The following SND1 variants were observed in gnomAD, a reference collection of about 807,000 sequenced individuals.
The protein encoded by SND1 is staphylococcal nuclease and tudor domain containing 1, also known as staphylococcal nuclease domain-containing protein 1.
A neutral mutation model predicts 121.7 loss-of-function variants in SND1; 38 were observed. The observed-to-expected ratio is 0.31, with a 90% CI of 0.24 to 0.41. The LOEUF (loss-of-function observed/expected upper bound fraction) is 0.41, where lower values mean the gene tolerates loss of function less well. Ranked by LOEUF, SND1 falls within the 10% of genes least tolerant of loss-of-function variation. The pLI is 1.00. For missense variants in SND1, 868 were observed against 1,184.6 expected, an observed-to-expected ratio of 0.73 and a Z score of 3.92; for synonymous variants, 401 against 447.4, an observed-to-expected ratio of 0.90 and a Z score of 1.31.
chr7:128,019,328 TC>T (rs1333675037), intron 16 of SND1, among the ~76,000 whole-genome samples: 1 of 152,216 alleles, frequency 6.6e-6, no homozygotes, highest in Non-Finnish European at 1.5e-5. Context: ...TAGCACATCC[TC>T]CTGGCTAACT....
intron 11 of SND1, among the ~76,000 whole-genome samples, chr7:127,810,673 C>T (rs1798321484): frequency 6.6e-6 from 1 of 152,186 alleles, no homozygotes; most frequent in Non-Finnish European, 1.5e-5. Flanking sequence ...TCCCTTAACG[C>T]TTAGAGATCA....
At chr7:127,789,176 C>T (rs554766025) in intron 10 of SND1, among the ~76,000 whole-genome samples, 2 of 152,346 alleles carry the variant, frequency 1.3e-5, no homozygotes, top group African/African-American at 4.8e-5. Flanking sequence ...CTCTGTCTGC[C>T]TCCCCAACTC....
At chr7:127,738,814 AG>A in intron 10 of SND1, among the ~76,000 whole-genome samples, 1 of 152,168 alleles carries the variant, frequency 6.6e-6, no homozygotes, top group Middle Eastern at 3.4e-3. Context: ...GGCTTGCTTT[AG>A]GGGGTCACCC....
chr7:127,850,636 T>C (rs766028661), intron 12 of SND1, among the ~76,000 whole-genome samples: 5 of 152,218 alleles, frequency 3.3e-5, no homozygotes, highest in Non-Finnish European at 5.9e-5. Context: ...GTTGTTTTTT[T>C]CCACTTAAAT....
chr7:127,960,143 G>A (rs1801696781), intron 15 of SND1, among the ~76,000 whole-genome samples: 1 of 152,188 alleles, frequency 6.6e-6, no homozygotes, highest in Non-Finnish European at 1.5e-5. Flanking sequence ...TGCTTTCCCA[G>A]GCTCACATTA....
chr7:127,656,450 G>A (rs1795211618), intron 1 of SND1, among the ~76,000 whole-genome samples: 2 of 151,668 alleles, frequency 1.3e-5, no homozygotes, highest in South Asian at 4.2e-4. Flanking sequence ...AGCCTCCCGA[G>A]TAGCTGGGAT....
chr7:127,761,558 G>A (rs1797306528), intron 10 of SND1, among the ~76,000 whole-genome samples: 1 of 152,180 alleles, frequency 6.6e-6, no homozygotes, highest in African/African-American at 2.4e-5. Flanking sequence ...ACACTGTTCT[G>A]TAACACTTGT....
intron 10 of SND1, among the ~76,000 whole-genome samples, chr7:127,750,034 A>AT (rs1797057918): frequency 6.6e-6 from 1 of 152,310 alleles, no homozygotes; most frequent in Middle Eastern, 3.4e-3. Context: ...CAGGAGGTGA[A>AT]GGCTGCAGTG....
At chr7:127,718,486 G>GCGGA in intron 9 of SND1, 4 of 732,422 alleles carry the variant, frequency 5.5e-6, no homozygotes, top group Non-Finnish European at 6.7e-6. Flanking sequence ...ATACACACAC[G>GCGGA]CGGACACGCA....
chr7:128,042,078 C>A (rs1390296508), intron 16 of SND1, among the ~76,000 whole-genome samples: 1 of 152,152 alleles, frequency 6.6e-6, no homozygotes, highest in East Asian at 1.9e-4. Context: ...AGCTCTCATT[C>A]TCTATCACTT....
intron 10 of SND1, among the ~76,000 whole-genome samples, chr7:127,738,017 G>A (rs140744707): frequency 1.3e-5 from 2 of 152,278 alleles, no homozygotes; most frequent in African/African-American, 4.8e-5. Context: ...CATAGAGAAT[G>A]TTACAGTAAT....
intron 15 of SND1, among the ~76,000 whole-genome samples, chr7:127,968,951 A>G (rs1030113434): frequency 6.6e-6 from 1 of 152,198 alleles, no homozygotes; most frequent in Non-Finnish European, 1.5e-5. Context: ...TGCTTGAGGT[A>G]TGGTCCTCTG....
chr7:127,855,070 G>A (rs983710221), intron 12 of SND1, among the ~76,000 whole-genome samples: 3 of 150,572 alleles, frequency 2.0e-5, no homozygotes, highest in Non-Finnish European at 3.0e-5. Context: ...TGGACCACTC[G>A]GCATAAGGTT....
chr7:127,738,899 TTCC>T (rs1796827670), intron 10 of SND1, among the ~76,000 whole-genome samples: 1 of 152,198 alleles, frequency 6.6e-6, no homozygotes, highest in African/African-American at 2.4e-5. Flanking sequence ...TTTCCCCCTG[TTCC>T]TCTCTTTCTG....
At chr7:128,005,839 G>A (rs144571880) in intron 16 of SND1, among the ~76,000 whole-genome samples, 8 of 152,256 alleles carry the variant, frequency 5.3e-5, no homozygotes, top group African/African-American at 1.4e-4. Flanking sequence ...GAGGCAATAC[G>A]GCATCAGCTG....
intron 16 of SND1, among the ~76,000 whole-genome samples, chr7:128,066,293 C>G (rs1793313203): frequency 2.6e-5 from 4 of 152,260 alleles, no homozygotes; most frequent in Non-Finnish European, 5.9e-5. Context: ...CTTTTCTTTT[C>G]AGGAGCCTCT....
intron 15 of SND1, among the ~76,000 whole-genome samples, chr7:127,984,259 A>T (rs532837651): frequency 1.3e-5 from 2 of 152,244 alleles, no homozygotes; most frequent in African/African-American, 2.4e-5. Context: ...GGTCTCTCTG[A>T]CATAGCTGGT....
In SND1 at chr7:127,833,342, C is replaced by T. The variant is rs562741898; in HGVS notation, c.1243-10982C>T. 1.0e-3 allele frequency among the ~76,000 whole-genome samples: 152 copies of T among 150,618 alleles called. 1 individual carries two copies. Among genetic ancestry groups the T allele is most frequent in the African/African-American group, 3.3e-3 (136 of 40,926 alleles). On this transcript the variant is annotated intron_variant, in intron 11 of 23. Coordinates refer to ENST00000354725, the MANE Select transcript of SND1 (RefSeq NM_014390.4). ...GTGCAGTGGCTCGATGTTGGCTCGCCGCAACCTCTGCCTCCAAGGTTCAAG... is the reference window on the plus strand; with the variant it reads ...GTGCAGTGGCTCGATGTTGGCTCGCTGCAACCTCTGCCTCCAAGGTTCAAG...
chr7:127,886,849 C>A (rs77441123), intron 12 of SND1, among the ~76,000 whole-genome samples: 1,517 of 118,120 alleles, frequency 0.013, no homozygotes, highest in Admixed American at 0.014. Flanking sequence ...CTTATTCTGG[C>A]AAAAAAAAAA....
Sources: allele counts gnomAD v4.1 joint callset (sites outside exome capture counted in the v4.1 genomes callset), GRCh38; gene constraint gnomAD v4.1.1; transcripts MANE v1.5; gene names NCBI Gene and HGNC (gene_info 2026-07-23, HGNC 2026-07-21).